Variants in ZNF608 observed in about 807,000 individuals in gnomAD.
The protein encoded by ZNF608 is renal carcinoma antigen NY-REN-36.
ZNF608 carries 12 observed loss-of-function variants against 109.0 expected under a neutral mutation model. That is an observed-to-expected ratio of 0.11 (90% confidence interval 0.07 to 0.18). The LOEUF is 0.18. Among genes scored for constraint, ZNF608 ranks in the 10% least tolerant of loss-of-function variants. The pLI is 1.00. For synonymous variants in ZNF608, 732 were observed against 717.4 expected (o/e 1.02, Z -0.33); for missense variants, 1,707 against 1,879.3 (o/e 0.91, Z 1.70).
At chr5:124,682,705 T>A (rs1231463994) in intron 3 of ZNF608, among the ~76,000 whole-genome samples, 1 of 152,162 alleles carries the variant, frequency 6.6e-6, no homozygotes, top group Non-Finnish European at 1.5e-5. Flanking sequence ...CACAGAACAC[T>A]AAGCAAACAA....
chr5:124,661,029 C>T (rs1476212172), intron 3 of ZNF608, among the ~76,000 whole-genome samples: 5 of 152,166 alleles, frequency 3.3e-5, no homozygotes, highest in Non-Finnish European at 5.9e-5. Flanking sequence ...CTGCAAATTC[C>T]AACCTGAGGG....
At chr5:124,701,729 T>C (rs537809275) in intron 2 of ZNF608, among the ~76,000 whole-genome samples, 1 of 152,320 alleles carries the variant, frequency 6.6e-6, no homozygotes, top group South Asian at 2.1e-4. Context: ...CCATAATGAA[T>C]TAAATCACTA....
intron 3 of ZNF608, among the ~76,000 whole-genome samples, chr5:124,677,049 G>A (rs1235720063): frequency 1.3e-5 from 2 of 152,018 alleles, no homozygotes; most frequent in Non-Finnish European, 2.9e-5. Flanking sequence ...CTTTCATGTT[G>A]TTTCTTATAT....
Position 124,638,930 on chromosome 5 carries a change from T to G in ZNF608, c.4532+203A>C, listed in dbSNP as rs990851739. On this transcript the variant is annotated intron_variant, in intron 9 of 9. Transcript: ENST00000513986. ...TCTAAAAAACTAATCAGTTAATTAC[T>G]AATCTATGTAACCCTTACAGAATGA... 2.4e-5 allele frequency: 19 copies of G among 776,178 alleles called. No homozygotes were observed. In the Admixed American group the frequency reaches 4.4e-4, roughly 18 times the overall value. The allele number at this position is 776,178 out of a possible 1,614,324, so 48.1% of individuals were successfully genotyped here. A position where few individuals can be genotyped will look rare whatever the true frequency, so the allele number is the denominator to read the frequency against.
At chr5:124,700,823 G>GC (rs1753021239) in intron 3 of ZNF608, among the ~76,000 whole-genome samples, 191 bp downstream of exon 3, 3 of 152,146 alleles carry the variant, frequency 2.0e-5, no homozygotes, top group Non-Finnish European at 2.9e-5. Flanking sequence ...CAACTCATCT[G>GC]CAATTTAAAA....
intron 1 of ZNF608, 32 bp from the exon 2 acceptor site, chr5:124,745,204 C>G: frequency 2.1e-6 from 3 of 1,398,506 alleles, no homozygotes; most frequent in Non-Finnish European, 2.8e-6. Context: ...TCGAATATTT[C>G]TTGTCTGGGT....
chr5:124,646,921 T>C lies in ZNF608; in HGVS notation c.3463A>G (p.Lys1155Glu), dbSNP rs1750535549. ...QKNMPSATIS[K>E]APSTPEPNKN... ...TTAGGCTCCGGAGTAGAGGGAGCTT[T>C]TGAGATTGTGGCCGATGGCATATTT... Residue 1155 changes from lysine to glutamate, a missense_variant, in exon 5 of 10, where the codon AAA (lysine) becomes GAA (glutamate). By Grantham distance (56) the Lys-to-Glu change is moderately conservative. Coordinates refer to ENST00000513986, the MANE Select transcript of ZNF608 (RefSeq NM_020747.3). 1 of 1,613,938 alleles carries C rather than the reference T, an allele frequency of 6.2e-7. No homozygotes were observed. The highest frequency in any genetic ancestry group is 8.5e-7 in the Non-Finnish European group (1 of 1,179,968).
chr5:124,723,924 A>G (rs1331373425), intron 2 of ZNF608, among the ~76,000 whole-genome samples: 1 of 152,208 alleles, frequency 6.6e-6, no homozygotes, highest in Non-Finnish European at 1.5e-5. Flanking sequence ...AATTATCAAT[A>G]TTTAGGAAAA....
At chr5:124,667,148 A>G (rs559856782) in intron 3 of ZNF608, among the ~76,000 whole-genome samples, 241 of 152,286 alleles carry the variant, frequency 1.6e-3, no homozygotes, top group South Asian at 4.4e-3. Context: ...TTTAAGATCA[A>G]CTCTTCAAGA....
chr5:124,723,023 A>T (rs1463142069), intron 2 of ZNF608, among the ~76,000 whole-genome samples: 2 of 151,046 alleles, frequency 1.3e-5, no homozygotes, highest in African/African-American at 4.9e-5. Context: ...AGGAGACTTT[A>T]AAAAAAAAAT....
rs374709033 is a variant in ZNF608, at chr5:124,648,903, G to C, written c.1481C>G (p.Pro494Arg). ...NCAAEDIKAS[P>R]SSTNKRKNKP... ...GTTTTTCCTTTTGTTGGTGGAGGAA[G>C]GGCTGGCTTTGATATCCTCAGCAGC... Residue 494 changes from proline (P) to arginine (R), a missense_variant, in exon 5 of 10, where the codon CCT becomes CGT. This residue lies in a region of ZNF608 where 166 missense variants were observed against 204.2 expected (regional missense o/e 0.81). Coordinates refer to ENST00000513986, the MANE Select transcript of ZNF608 (RefSeq NM_020747.3). 1 of 1,614,098 alleles carries C rather than the reference G, an allele frequency of 6.2e-7. No homozygotes were observed.
At chr5:124,748,250 G>A (rs776015874), upstream of ZNF608, among the ~76,000 whole-genome samples, 1 of 152,132 alleles carries the variant, frequency 6.6e-6, no homozygotes, top group African/African-American at 2.4e-5. Context: ...TGACACTGCA[G>A]ACCAGGATAT....
chr5:124,656,852 A>G (rs1751034301), intron 3 of ZNF608, among the ~76,000 whole-genome samples: 1 of 144,202 alleles, frequency 6.9e-6, no homozygotes, highest in South Asian at 2.3e-4. Flanking sequence ...ACACACACAC[A>G]GCTAAAGAAA....
At chr5:124,695,562 C>T (rs1016658645) in intron 3 of ZNF608, among the ~76,000 whole-genome samples, 3 of 151,532 alleles carry the variant, frequency 2.0e-5, no homozygotes, top group Admixed American at 6.6e-5. Flanking sequence ...CCCAGGGGTT[C>T]GAGACTAGCA....
chr5:124,713,338 C>A (rs1753573802), intron 2 of ZNF608, among the ~76,000 whole-genome samples: 1 of 152,154 alleles, frequency 6.6e-6, no homozygotes, highest in Non-Finnish European at 1.5e-5. Flanking sequence ...AAAAGGTCAC[C>A]AAATGATGGC....
intron 5 of ZNF608, among the ~76,000 whole-genome samples, chr5:124,645,938 A>G (rs982690801): frequency 6.6e-6 from 1 of 152,214 alleles, no homozygotes; most frequent in Non-Finnish European, 1.5e-5. Context: ...AGTTTTTATT[A>G]TCTTCAAAGA....
chr5:124,730,735 A>G (rs1748858150), intron 2 of ZNF608, among the ~76,000 whole-genome samples: 2 of 152,220 alleles, frequency 1.3e-5, no homozygotes, highest in South Asian at 4.1e-4. Context: ...AGTATACAGA[A>G]CAGGTTAGAG....
At chr5:124,665,180 CAAA>C (rs5871098) in intron 3 of ZNF608, among the ~76,000 whole-genome samples, 7 of 135,576 alleles carry the variant, frequency 5.2e-5, no homozygotes, top group Admixed American at 7.4e-5. Context: ...CACCTCCCCC[CAAA>C]AAAAAAAAAA....
Position 124,649,688 on chromosome 5 carries a change from A to G in ZNF608, c.1172T>C (p.Val391Ala). The G allele has an allele frequency of 6.3e-7, 1 of 1,595,950 alleles. No individual in the cohort carries two copies. The highest frequency in any genetic ancestry group is 1.1e-5 in the South Asian group (1 of 88,990). Residue 391 changes from valine (V) to alanine (A), a missense_variant, in exon 4 of 10, where the codon GTG becomes GCG. Coordinates refer to ENST00000513986, the MANE Select transcript of ZNF608 (RefSeq NM_020747.3). ...VWHETEEGVL[V>A]VNVTWRNKTY... ...TTTGTTCCTCCACGTGACATTGACC[A>G]CTAGGACACCTGCAGGAGGCAGGGG...
Sources: gnomAD v4.1 joint callset for allele counts (sites outside exome capture counted in the v4.1 genomes callset) on GRCh38, gnomAD v4.1.1 for gene constraint, gnomAD v4.1.1 regional missense constraint, MANE v1.5 for transcripts, NCBI Gene and HGNC (gene_info 2026-07-23, HGNC 2026-07-21) for gene names.